MTM1: variants seen among roughly 807,000 people sequenced by gnomAD.
MTM1 encodes myotubularin 1, also known as myotubularin.
In MTM1, 9 loss-of-function variants were observed where a neutral mutation model predicts 52.1. That is an observed-to-expected ratio of 0.17 (90% CI 0.10 to 0.30). The LOEUF (loss-of-function observed/expected upper bound fraction) is 0.30, where lower values mean the gene tolerates loss of function less well. MTM1 is among the 10% of genes least tolerant of loss of function. MTM1 has a pLI of 1.00. For missense variants in MTM1, 277 were observed against 470.7 expected, an observed-to-expected ratio of 0.59 and a Z score of 3.81; for synonymous variants, 136 against 163.8, an observed-to-expected ratio of 0.83 and a Z score of 1.29.
intron 10 of MTM1, among the ~76,000 whole-genome samples, chrX:150,656,085 A>G (rs911452655): frequency 2.7e-5 from 3 of 111,643 alleles, no homozygotes; most frequent in Non-Finnish European, 5.6e-5. Flanking sequence ...ATTTCACTGT[A>G]TCAGACTTTT....
Position 150,659,693 on chromosome X carries a change from C to T in MTM1, c.1290C>T (p.Thr430=), listed in dbSNP as rs374725419. 33 of 1,209,204 alleles carry T rather than the reference C, an allele frequency of 2.7e-5. No homozygotes were observed. The highest frequency in any genetic ancestry group is 2.3e-4 in the Middle Eastern group (1 of 4,371). ...TAGGTCATGGTGATAAAAACCACACCGATGCTGACCGTTCTCCTATTTTTC... is the reference window on the plus strand; with the variant it reads ...TAGGTCATGGTGATAAAAACCACACTGATGCTGACCGTTCTCCTATTTTTC... The part of the protein sequence containing the change: ...SRIGHGDKNH[T]DADRSPIFLQ... Residue 430 remains threonine, a synonymous_variant, in exon 12 of 15, where the codon ACC becomes ACT. Transcript: ENST00000370396.
In MTM1 at chrX:150,622,834, A is replaced by G. The variant is rs1424477259; in HGVS notation, c.444+3695A>G. Among the ~76,000 whole-genome samples, 3 of 111,333 alleles carry G rather than the reference A, an allele frequency of 2.7e-5. No individual in the cohort carries two copies. In the East Asian group the frequency reaches 8.4e-4, roughly 31 times the overall value. ...GTGGAAGAAAGGGGAAGGGGGAGGA[A>G]CAATGAGTTCTGTTTTGGACACATA... is the stretch of plus-strand genomic sequence containing the variant. On this transcript the variant is annotated intron_variant, in intron 6 of 14. Coordinates refer to ENST00000370396, the MANE Select transcript of MTM1 (RefSeq NM_000252.3).
chrX:150,660,589 C>G, intron 13 of MTM1, 105 bp downstream of exon 13: 1 of 538,320 alleles, frequency 1.9e-6, no homozygotes, highest in Non-Finnish European at 3.2e-6. Context: ...CTGTCTTTGA[C>G]CTCAAAGAGT....
intron 6 of MTM1, among the ~76,000 whole-genome samples, chrX:150,623,856 G>C (rs1210233922): frequency 9.0e-6 from 1 of 111,582 alleles, no homozygotes; most frequent in Non-Finnish European, 1.9e-5. Context: ...AGATCACTTT[G>C]TTAATATTAT....
chrX:150,608,605 C>G (rs184864261), intron 4 of MTM1, among the ~76,000 whole-genome samples: 70 of 111,884 alleles, frequency 6.3e-4, no homozygotes, highest in African/African-American at 2.3e-3. Flanking sequence ...ATGAGTCAAT[C>G]AAGCTACTTA....
chrX:150,623,600 G>A (rs1454191595), intron 6 of MTM1, among the ~76,000 whole-genome samples: 1 of 110,919 alleles, frequency 9.0e-6, no homozygotes, highest in Non-Finnish European at 1.9e-5. Context: ...CTCTTTTCAA[G>A]GCAAGAGAGA....
chrX:150,625,022 C>A (rs782729391), intron 6 of MTM1, among the ~76,000 whole-genome samples: 66 of 111,736 alleles, frequency 5.9e-4, no homozygotes, highest in Non-Finnish European at 1.1e-3. Context: ...GACCTGGGTG[C>A]CAGGCTCATA....
In MTM1 at chrX:150,583,729, TTATATATTATA is replaced by T. The variant is rs1490229992; in HGVS notation, c.-10-8871_-10-8861del. On this transcript the variant is annotated intron_variant, in intron 1 of 14. Transcript: ENST00000370396. ...ATATAAATTATATATATTATATAAATTATATATTATATATAAATTAATATATATTAAATTAA... is the reference window on the plus strand; with the variant it reads ...ATATAAATTATATATATTATATAAATTATAAATTAATATATATTAAATTAA... Among the ~76,000 whole-genome samples, 2 of 46,566 alleles carry T rather than the reference TTATATATTATA, an allele frequency of 4.3e-5. 1 individual carries two copies. Among genetic ancestry groups the T allele is most frequent in the Non-Finnish European group, 7.0e-5 (2 of 28,633 alleles). 40.4% of individuals were successfully genotyped at this position (46,566 alleles called of 115,157 possible). A position where few individuals can be genotyped will look rare whatever the true frequency, so the allele number is the denominator to read the frequency against.
upstream of MTM1, among the ~76,000 whole-genome samples, chrX:150,565,684 C>G (rs2038253102): frequency 9.0e-6 from 1 of 111,618 alleles, no homozygotes; most frequent in African/African-American, 3.3e-5. Context: ...GCAGGCTCCT[C>G]CTGGTGCTGC....
chrX:150,608,433 G>C (rs1405797097), intron 4 of MTM1, among the ~76,000 whole-genome samples: 1 of 111,678 alleles, frequency 9.0e-6, no homozygotes, highest in Non-Finnish European at 1.9e-5. Context: ...TGCCCAGGCT[G>C]GTCTCAAACT....
intron 4 of MTM1, among the ~76,000 whole-genome samples, chrX:150,602,977 T>C (rs905608235): frequency 2.7e-5 from 3 of 111,833 alleles, no homozygotes; most frequent in Admixed American, 9.5e-5. Flanking sequence ...TACAGTGGTA[T>C]GCATAGTGCT....
intron 14 of MTM1, among the ~76,000 whole-genome samples, chrX:150,666,766 T>A (rs939246317): frequency 2.3e-4 from 26 of 111,717 alleles, no homozygotes; most frequent in Admixed American, 4.7e-4. Flanking sequence ...CCCCAAAACC[T>A]CCTCCTCCTG....
chrX:150,644,812 G>A (rs782398485), intron 8 of MTM1, among the ~76,000 whole-genome samples: 13 of 110,625 alleles, frequency 1.2e-4, no homozygotes, highest in African/African-American at 4.3e-4. Flanking sequence ...GAGAAGCTGC[G>A]AGTGAAATGC....
chrX:150,579,976 T>C (rs2038550285), intron 1 of MTM1, among the ~76,000 whole-genome samples: 1 of 111,600 alleles, frequency 9.0e-6, no homozygotes, highest in Non-Finnish European at 1.9e-5. Context: ...GTAAATACAG[T>C]TTTACTTCTT....
intron 14 of MTM1, among the ~76,000 whole-genome samples, chrX:150,669,951 C>G (rs1390173310): frequency 8.9e-6 from 1 of 111,928 alleles, no homozygotes; most frequent in Non-Finnish European, 1.9e-5. Flanking sequence ...TTTCCCCATG[C>G]CTATGTCCTG....
upstream of MTM1, among the ~76,000 whole-genome samples, chrX:150,565,120 CT>C (rs2038245866): frequency 1.8e-5 from 2 of 112,410 alleles, no homozygotes; most frequent in East Asian, 5.6e-4. Context: ...GGCTTACCCC[CT>C]ATCCTCTCCC....
intron 8 of MTM1, among the ~76,000 whole-genome samples, chrX:150,645,028 A>G (rs2148492432): frequency 8.9e-6 from 1 of 112,252 alleles, no homozygotes; most frequent in African/African-American, 3.2e-5. Context: ...TACTTTTCAC[A>G]TGCTATGAGC....
Position 150,659,793 on chromosome X carries a change from T to C in MTM1, c.1353+37T>C, listed in dbSNP as rs782106725. 5 of 1,043,013 alleles carry C rather than the reference T, an allele frequency of 4.8e-6. No individual in the cohort carries two copies. In the African/African-American group the frequency reaches 9.3e-5, roughly 19 times the overall value. The allele number at this position is 1,043,013 out of a possible 1,213,427, so 86.0% of individuals were successfully genotyped here. A position where few individuals can be genotyped will look rare whatever the true frequency, so the allele number is the denominator to read the frequency against. On this transcript the variant is annotated intron_variant, in intron 12 of 14. Coordinates refer to ENST00000370396, the MANE Select transcript of MTM1 (RefSeq NM_000252.3). ...GAGGGATGAAAATACATTCAACTCA[T>C]TGTTTAAATTAAACATTTTAATATA...
chrX:150,651,975 T>A (rs1557414220), intron 10 of MTM1, among the ~76,000 whole-genome samples: 1 of 110,176 alleles, frequency 9.1e-6, no homozygotes, highest in African/African-American at 3.3e-5. Context: ...ACCTTGGGGG[T>A]GTCTAGTGAT....
Sources: allele counts gnomAD v4.1 joint callset (sites outside exome capture counted in the v4.1 genomes callset), GRCh38; gene constraint gnomAD v4.1.1; transcripts MANE v1.5; gene names NCBI Gene and HGNC (gene_info 2026-07-23, HGNC 2026-07-21).